PDE4D: variants seen among roughly 807,000 people sequenced by gnomAD.
PDE4D encodes the protein phosphodiesterase 4D.
PDE4D carries 24 observed loss-of-function variants against 87.4 expected under a neutral mutation model. The ratio of observed to expected loss-of-function variants is 0.27; its 90% confidence interval spans 0.20 to 0.39. The LOEUF is 0.39. Among genes scored for constraint, PDE4D ranks in the 10% least tolerant of loss-of-function variants. The pLI is 1.00. For missense variants in PDE4D, 714 were observed against 1,041.0 expected (o/e 0.69, Z 4.32); for synonymous variants, 384 against 383.2 (o/e 1.00, Z -0.02).
chr5:59,523,953 G>T (rs1411147196), intron 1 of PDE4D, among the ~76,000 whole-genome samples: 1 of 152,162 alleles, frequency 6.6e-6, no homozygotes, highest in Non-Finnish European at 1.5e-5. Flanking sequence ...ATGTTTGTAA[G>T]TTTCCTGAAG....
intron 1 of PDE4D, among the ~76,000 whole-genome samples, chr5:59,465,799 C>A (rs1801500710): frequency 6.6e-6 from 1 of 152,182 alleles, no homozygotes; most frequent in South Asian, 2.1e-4. Context: ...ACTATTTTGA[C>A]ATGACTGGGC....
intron 2 of PDE4D, among the ~76,000 whole-genome samples, chr5:59,999,157 G>C (rs1378872165): frequency 6.6e-6 from 1 of 152,204 alleles, no homozygotes; most frequent in Non-Finnish European, 1.5e-5. Flanking sequence ...AACCATGACA[G>C]CCCTTCCTCC....
intron 5 of PDE4D, chr5:59,063,039 TATG>T (rs1320428506): frequency 6.6e-6 from 1 of 152,172 alleles, no homozygotes; most frequent in African/African-American, 2.4e-5. Flanking sequence ...GAGGTTATAA[TATG>T]ATGTCATTTC....
intron 2 of PDE4D, among the ~76,000 whole-genome samples, chr5:59,207,559 A>C (rs1749074121): frequency 6.6e-6 from 1 of 152,102 alleles, no homozygotes; most frequent in Non-Finnish European, 1.5e-5. Context: ...TAGAGATTGC[A>C]TTCTTTTGGT....
chr5:60,429,283 C>T (rs1235882444), intron 1 of PDE4D, among the ~76,000 whole-genome samples: 1 of 152,122 alleles, frequency 6.6e-6, no homozygotes, highest in East Asian at 1.9e-4. Context: ...TAGGATTATG[C>T]TCTTGATTTG....
chr5:59,302,393 A>G lies in PDE4D; in HGVS notation c.456-86425T>C, dbSNP rs186278975. On this transcript the variant is annotated intron_variant, in intron 1 of 14. Transcript: ENST00000340635. ...ATTACTTTTTATAAAATTTTTTTCCATAAGTTATTAGGGTACAGGTGGTAT... is the reference window on the plus strand; with the variant it reads ...ATTACTTTTTATAAAATTTTTTTCCGTAAGTTATTAGGGTACAGGTGGTAT... Among the ~76,000 whole-genome samples the G allele has an allele frequency of 2.0e-3, 309 of 152,196 alleles. 1 individual carries two copies. Among genetic ancestry groups the G allele is most frequent in the Non-Finnish European group, 3.6e-3 (247 of 68,002 alleles).
chr5:60,246,064 T>C (rs1747737391), intron 1 of PDE4D, among the ~76,000 whole-genome samples: 1 of 151,776 alleles, frequency 6.6e-6, no homozygotes, highest in Admixed American at 6.6e-5. Context: ...CATAAATATA[T>C]ACATCTACTA....
At chr5:59,864,282 T>C (rs529583161) in intron 1 of PDE4D, among the ~76,000 whole-genome samples, 17 of 152,296 alleles carry the variant, frequency 1.1e-4, no homozygotes, top group Admixed American at 3.3e-4. Context: ...GGAGCTAATA[T>C]TTTCAAATAC....
chr5:59,230,812 G>C (rs1198747130), intron 1 of PDE4D, among the ~76,000 whole-genome samples: 1 of 152,130 alleles, frequency 6.6e-6, no homozygotes, highest in Non-Finnish European at 1.5e-5. Context: ...CAAACAGATG[G>C]GTTTTCTGCC....
chr5:60,175,969 C>T (rs1273857844), intron 2 of PDE4D, among the ~76,000 whole-genome samples: 1 of 152,138 alleles, frequency 6.6e-6, no homozygotes, highest in African/African-American at 2.4e-5. Flanking sequence ...CCTCCAGTTC[C>T]CTAAGACAAT....
intron 1 of PDE4D, among the ~76,000 whole-genome samples, chr5:59,628,558 T>A (rs1198921690): frequency 6.6e-6 from 1 of 152,164 alleles, no homozygotes; most frequent in Non-Finnish European, 1.5e-5. Context: ...ACCTATTACT[T>A]ATTGAGCCCT....
chr5:59,353,872 A>C (rs538966775), intron 1 of PDE4D, among the ~76,000 whole-genome samples: 131 of 152,224 alleles, frequency 8.6e-4, no homozygotes, highest in African/African-American at 3.1e-3. Context: ...CAGCTGAAAA[A>C]CTTTCACATC....
intron 1 of PDE4D, among the ~76,000 whole-genome samples, chr5:59,376,823 G>C (rs963353815): frequency 6.6e-6 from 1 of 152,116 alleles, no homozygotes; most frequent in African/African-American, 2.4e-5. Context: ...CATGGTACTG[G>C]TACAAAAACA....
At chr5:59,430,760 T>C (rs1224022833) in intron 1 of PDE4D, among the ~76,000 whole-genome samples, 2 of 152,300 alleles carry the variant, frequency 1.3e-5, no homozygotes, top group Admixed American at 6.5e-5. Flanking sequence ...CAAGGTTTTA[T>C]CCATTTTTGT....
At chr5:59,062,460 A>G (rs1474364340) in intron 5 of PDE4D, among the ~76,000 whole-genome samples, 1 of 152,142 alleles carries the variant, frequency 6.6e-6, no homozygotes, top group Non-Finnish European at 1.5e-5. Context: ...AGGTATAAAT[A>G]AGTCATGCTA....
intron 1 of PDE4D, among the ~76,000 whole-genome samples, chr5:60,342,208 C>T (rs1255181455): frequency 2.0e-5 from 3 of 152,106 alleles, no homozygotes; most frequent in Non-Finnish European, 4.4e-5. Context: ...GATTGGTTTT[C>T]TCAGCTGTAA....
chr5:59,277,682 A>C (rs1233305067), intron 1 of PDE4D, among the ~76,000 whole-genome samples: 3 of 152,132 alleles, frequency 2.0e-5, no homozygotes, highest in African/African-American at 7.2e-5. Flanking sequence ...GTAATGTCTG[A>C]CTGTTGAGTT....
rs562506815 is a variant in PDE4D, at chr5:59,188,253, G to A, written c.685-2991C>T. ...AGAGCTCAATGGTTAGAAAATTAAG[G>A]TCATTTCTTTCTCTTCTGCCCCACC... On this transcript the variant is annotated intron_variant, in intron 3 of 14. Transcript: ENST00000340635. Among the ~76,000 whole-genome samples, 42 of 152,184 alleles carry A rather than the reference G, an allele frequency of 2.8e-4. No individual in the cohort carries two copies. The South Asian group carries it at 8.3e-3, about 30-fold the overall frequency.
At chr5:60,167,211 C>T (rs1311197119) in intron 2 of PDE4D, among the ~76,000 whole-genome samples, 2 of 150,790 alleles carry the variant, frequency 1.3e-5, no homozygotes, top group South Asian at 4.2e-4. Context: ...TCACATAAAT[C>T]TCATATGCTT....
Sources: allele counts gnomAD v4.1 joint callset (sites outside exome capture counted in the v4.1 genomes callset), GRCh38; gene constraint gnomAD v4.1.1; transcripts MANE v1.5; gene names NCBI Gene and HGNC (gene_info 2026-07-23, HGNC 2026-07-21).